Variants in DPP10 observed in about 807,000 individuals in gnomAD.
The protein encoded by DPP10 is inactive dipeptidyl peptidase 10.
DPP10 carries 33 observed loss-of-function variants against 120.9 expected under a neutral mutation model. The observed-to-expected ratio is 0.27, with a 90% CI of 0.21 to 0.37. The LOEUF (loss-of-function observed/expected upper bound fraction) is 0.37. DPP10 is among the 10% of genes least tolerant of loss of function. The pLI is 1.00. For missense variants in DPP10, 816 were observed against 942.8 expected, an observed-to-expected ratio of 0.87 and a Z score of 1.76; for synonymous variants, 337 against 326.1, an observed-to-expected ratio of 1.03 and a Z score of -0.36.
chr2:115,382,502 C>T (rs2066475037), intron 3 of DPP10, among the ~76,000 whole-genome samples: 1 of 152,300 alleles, frequency 6.6e-6, no homozygotes, highest in South Asian at 2.1e-4. Flanking sequence ...GATGGAAATG[C>T]AGAAATCACT....
At chr2:115,573,185 C>A (rs1317516210) in intron 5 of DPP10, among the ~76,000 whole-genome samples, 2 of 151,292 alleles carry the variant, frequency 1.3e-5, no homozygotes, top group East Asian at 1.9e-4. Flanking sequence ...TGTTATTGAA[C>A]AGAGATGTAA....
intron 1 of DPP10, among the ~76,000 whole-genome samples, chr2:114,575,883 C>G (rs1479912318): frequency 6.6e-6 from 1 of 152,116 alleles, no homozygotes; most frequent in East Asian, 1.9e-4. Context: ...CCCACCCCCT[C>G]CACTTATTCT....
intron 19 of DPP10, among the ~76,000 whole-genome samples, chr2:115,811,256 T>A (rs1027016578): frequency 6.6e-6 from 1 of 152,140 alleles, no homozygotes; most frequent in Non-Finnish European, 1.5e-5. Flanking sequence ...GGTTCAAAAA[T>A]CTTTGGTTCA....
intron 5 of DPP10, among the ~76,000 whole-genome samples, chr2:115,592,547 A>C (rs1049701883): frequency 1.3e-5 from 2 of 150,958 alleles, no homozygotes; most frequent in African/African-American, 2.4e-5. Context: ...ATCCTGGCCA[A>C]CATGGTGAAA....
chr2:115,351,406 A>C (rs1177895924), intron 3 of DPP10, among the ~76,000 whole-genome samples: 1 of 151,930 alleles, frequency 6.6e-6, no homozygotes, highest in Non-Finnish European at 1.5e-5. Context: ...AGCCTGAAAA[A>C]CTTCCTTTTG....
intron 1 of DPP10, among the ~76,000 whole-genome samples, chr2:114,901,920 A>T (rs1247900853): frequency 6.6e-6 from 1 of 152,234 alleles, no homozygotes; most frequent in Non-Finnish European, 1.5e-5. Flanking sequence ...GCACAAGCAG[A>T]CCAGTCAAGA....
At chr2:115,069,037 G>A (rs568384588) in intron 1 of DPP10, among the ~76,000 whole-genome samples, 1 of 152,128 alleles carries the variant, frequency 6.6e-6, no homozygotes, top group African/African-American at 2.4e-5. Flanking sequence ...ACTTTTGACT[G>A]TTTGGAACTT....
intron 5 of DPP10, among the ~76,000 whole-genome samples, chr2:115,649,564 A>G (rs2087567872): frequency 6.6e-6 from 1 of 152,088 alleles, no homozygotes; most frequent in South Asian, 2.1e-4. Flanking sequence ...TTACAATAAA[A>G]TTAAGTTGCT....
At chr2:115,465,642 G>A (rs1202092037) in intron 3 of DPP10, among the ~76,000 whole-genome samples, 1 of 152,114 alleles carries the variant, frequency 6.6e-6, no homozygotes, top group African/African-American at 2.4e-5. Flanking sequence ...GGCCAACATG[G>A]TGAAACCCTG....
intron 3 of DPP10, among the ~76,000 whole-genome samples, chr2:115,372,282 G>T (rs565516473): frequency 4.5e-4 from 68 of 152,200 alleles, no homozygotes; most frequent in African/African-American, 1.6e-3. Context: ...TGGGTTTAAA[G>T]ATATGAACAA....
At chr2:115,307,090 C>T (rs552211727) in intron 1 of DPP10, among the ~76,000 whole-genome samples, 2 of 152,214 alleles carry the variant, frequency 1.3e-5, no homozygotes, top group East Asian at 3.9e-4. Context: ...TGTTACTAAT[C>T]TCTTCAAATC....
intron 3 of DPP10, among the ~76,000 whole-genome samples, chr2:115,383,015 A>G (rs1559518212): frequency 6.6e-6 from 1 of 152,184 alleles, no homozygotes; most frequent in African/African-American, 2.4e-5. Flanking sequence ...ATGATTTTTC[A>G]ATTTCTCATT....
chr2:115,166,480 AT>A (rs1472634782), intron 1 of DPP10, among the ~76,000 whole-genome samples: 4 of 147,056 alleles, frequency 2.7e-5, no homozygotes, highest in Admixed American at 6.8e-5. Context: ...TGAATTTCTT[AT>A]TTTTATATGT....
rs1316723021 is a variant in DPP10 at position 114,991,570 on chromosome 2, G to A, written c.61-317669G>A. Among the ~76,000 whole-genome samples, 11 of 152,032 alleles carry A rather than the reference G, an allele frequency of 7.2e-5. No individual in the cohort carries two copies. The East Asian group carries it at 9.6e-4, about 13-fold the overall frequency. ...CAACATATTAATTCTACTTTACTCC[G>A]TGGCTACAAACTTTGGAAGATGTTA... On this transcript the variant is annotated intron_variant, in intron 1 of 25. Coordinates refer to ENST00000410059, the MANE Select transcript of DPP10 (RefSeq NM_020868.6).
In DPP10 at chr2:115,287,863, C is replaced by T. The variant is rs552819225; in HGVS notation, c.61-21376C>T. Among the ~76,000 whole-genome samples the T allele has an allele frequency of 3.3e-5, 5 of 152,222 alleles. No individual in the cohort carries two copies. In the South Asian group the frequency reaches 1.0e-3, roughly 32 times the overall value. On this transcript the variant is annotated intron_variant, in intron 1 of 25. Transcript: ENST00000410059. ...CTGATGAAAGAAATCATAGACTATT[C>T]CTTTCCATGGAATGATAAGGAAATG... is the stretch of plus-strand genomic sequence containing the variant.
intron 3 of DPP10, among the ~76,000 whole-genome samples, chr2:115,467,579 A>G (rs1189699516): frequency 6.6e-6 from 1 of 152,006 alleles, no homozygotes; most frequent in Non-Finnish European, 1.5e-5. Context: ...TCTGACTCAA[A>G]GAAAAAAAAA....
chr2:114,931,765 C>T (rs371633419), intron 1 of DPP10, among the ~76,000 whole-genome samples: 1 of 152,198 alleles, frequency 6.6e-6, no homozygotes, highest in East Asian at 1.9e-4. Context: ...AGCTGCATGT[C>T]AGGATCTTCT....
chr2:115,225,164 G>A (rs1489571607), intron 1 of DPP10, among the ~76,000 whole-genome samples: 2 of 152,136 alleles, frequency 1.3e-5, no homozygotes, highest in African/African-American at 2.4e-5. Flanking sequence ...GAATATTCAA[G>A]TGGAGAGAAA....
intron 1 of DPP10, among the ~76,000 whole-genome samples, chr2:114,593,685 T>C (rs1691646971): frequency 6.6e-6 from 1 of 152,170 alleles, no homozygotes; most frequent in African/African-American, 2.4e-5. Flanking sequence ...TCACATCCAT[T>C]GTCTTTTGCT....
Sources: gnomAD v4.1 joint callset for allele counts (sites outside exome capture counted in the v4.1 genomes callset) on GRCh38, gnomAD v4.1.1 for gene constraint, MANE v1.5 for transcripts, NCBI Gene and HGNC (gene_info 2026-07-23, HGNC 2026-07-21) for gene names.